SRGAP3: variants seen among roughly 807,000 people sequenced by gnomAD.
The protein encoded by SRGAP3 is SLIT-ROBO Rho GTPase-activating protein 3.
SRGAP3 carries 39 observed loss-of-function variants against 121.1 expected under a neutral mutation model. That is an observed-to-expected ratio of 0.32 (90% CI 0.25 to 0.42). The LOEUF is 0.42. SRGAP3 is among the 10% of genes least tolerant of loss of function. SRGAP3 has a pLI of 1.00. For missense variants in SRGAP3, 1,213 were observed against 1,470.6 expected (o/e 0.82, Z 2.86); for synonymous variants, 601 against 570.0 (o/e 1.05, Z -0.77).
chr3:8,996,636 A>G lies in SRGAP3; in HGVS notation c.2228-2113T>C, dbSNP rs1488505676. Among the ~76,000 whole-genome samples, 3 of 152,364 alleles carry G rather than the reference A, an allele frequency of 2.0e-5. No individual in the cohort carries two copies. In the East Asian group the frequency reaches 5.8e-4, roughly 29 times the overall value. On this transcript the variant is annotated intron_variant, in intron 18 of 21. Transcript: ENST00000383836. ...AACTCAGATCTTGACTCAGAGTCAC[A>G]TTCTCAGTAAAACAAACAGAGATCT...
At position 8,994,626 on chromosome 3, in the gene SRGAP3, A is replaced by C. The variant is rs1335557440; in HGVS notation, c.2228-103T>G. On this transcript the variant is annotated intron_variant, in intron 18 of 21. Coordinates refer to ENST00000383836, the MANE Select transcript of SRGAP3 (RefSeq NM_014850.4). ...GCTTCTCTGGGGAAGGATAGACTGCACAGCTGGTGAGAACATGGACAGAAC... is the reference window on the plus strand; with the variant it reads ...GCTTCTCTGGGGAAGGATAGACTGCCCAGCTGGTGAGAACATGGACAGAAC... 2.7e-6 allele frequency: 4 copies of C among 1,454,838 alleles called. No individual in the cohort carries two copies. In the East Asian group the frequency reaches 6.9e-5, roughly 25 times the overall value. 90.1% of individuals were successfully genotyped at this position (1,454,838 alleles called of 1,614,324 possible).
intron 1 of SRGAP3, among the ~76,000 whole-genome samples, chr3:9,223,078 T>A (rs959074977): frequency 6.6e-6 from 1 of 152,220 alleles, no homozygotes; most frequent in Non-Finnish European, 1.5e-5. Flanking sequence ...CAAAAAGATA[T>A]ACCGCAGGAT....
chr3:9,337,903 T>C lies in SRGAP3; in HGVS notation n.215-7307A>G, dbSNP rs529274748. Among the ~76,000 whole-genome samples the C allele has an allele frequency of 1.9e-3, 292 of 152,266 alleles. 1 individual carries two copies. The highest frequency in any genetic ancestry group is 3.0e-3 in the Non-Finnish European group (204 of 68,022). On this transcript the variant is annotated intron_variant and non_coding_transcript_variant, in intron 1 of 3. Coordinates refer to the SRGAP3 transcript ENST00000490889. Reference sequence around the variant, plus strand: ...GAATCATCCTGCAGGAAAGAAATGGTTTATAATTTTGTCAATTCTGGCATT... The same window carrying C: ...GAATCATCCTGCAGGAAAGAAATGGCTTATAATTTTGTCAATTCTGGCATT...
At chr3:9,021,336 TAGAGAGG>T (rs939645164) in intron 14 of SRGAP3, among the ~76,000 whole-genome samples, 4 of 152,232 alleles carry the variant, frequency 2.6e-5, no homozygotes, top group African/African-American at 7.2e-5. Flanking sequence ...AGAGGGCACC[TAGAGAGG>T]TTTGTGGGGG....
At chr3:9,222,165 G>A (rs1952835180) in intron 1 of SRGAP3, among the ~76,000 whole-genome samples, 2 of 152,230 alleles carry the variant, frequency 1.3e-5, no homozygotes, top group African/African-American at 4.8e-5. Context: ...GAGTGAGAGA[G>A]ACAGCCAACA....
chr3:9,349,564 C>T (rs891633338), intron 1 of SRGAP3: 4 of 177,316 alleles, frequency 2.3e-5, no homozygotes, highest in African/African-American at 9.6e-5. Context: ...TAAGCCACTG[C>T]CTGGGGGCTC....
intron 1 of SRGAP3, among the ~76,000 whole-genome samples, chr3:9,132,811 G>GA (rs35959358): frequency 6.7e-6 from 1 of 150,090 alleles, no homozygotes; most frequent in African/African-American, 2.4e-5. Flanking sequence ...TAGGCTTACT[G>GA]AAAAAAAGGA....
intron 1 of SRGAP3, among the ~76,000 whole-genome samples, chr3:9,344,230 G>A (rs967841935): frequency 5.9e-5 from 9 of 151,504 alleles, no homozygotes; most frequent in African/African-American, 1.5e-4. Context: ...CGAGGCGGGC[G>A]GATCACCTGA....
chr3:9,214,748 T>C (rs978945248), intron 1 of SRGAP3, among the ~76,000 whole-genome samples: 4 of 152,098 alleles, frequency 2.6e-5, no homozygotes, highest in Non-Finnish European at 5.9e-5. Flanking sequence ...GACCAGGAAT[T>C]TGGGGGTAAG....
intron 7 of SRGAP3, among the ~76,000 whole-genome samples, chr3:9,057,832 G>A (rs186755189): frequency 8.2e-4 from 125 of 152,328 alleles, no homozygotes; most frequent in Admixed American, 1.6e-3. Flanking sequence ...AAACTCGATC[G>A]TCTGGTGTAT....
chr3:9,356,179 G>C (rs1327362676), intron 1 of SRGAP3, among the ~76,000 whole-genome samples: 1 of 149,896 alleles, frequency 6.7e-6, no homozygotes, highest in Non-Finnish European at 1.5e-5. Context: ...ACCTGTTTAT[G>C]GGACTTTTTT....
intron 1 of SRGAP3, 32 bp from the exon 2 acceptor site, chr3:9,124,949 T>C: frequency 1.2e-6 from 2 of 1,613,054 alleles, no homozygotes; most frequent in Non-Finnish European, 1.7e-6. Flanking sequence ...AGCATGAGAC[T>C]GGTGGTGGGG....
intron 1 of SRGAP3, among the ~76,000 whole-genome samples, chr3:9,240,373 A>G (rs1208179624): frequency 6.6e-6 from 1 of 152,148 alleles, no homozygotes; most frequent in Non-Finnish European, 1.5e-5. Context: ...CAGCACCTTT[A>G]AAAAGTCAAC....
intron 1 of SRGAP3, among the ~76,000 whole-genome samples, chr3:9,155,565 T>G (rs1950389811): frequency 6.6e-6 from 1 of 152,168 alleles, no homozygotes; most frequent in South Asian, 2.1e-4. Flanking sequence ...GTCTCTTAAC[T>G]AATCTTTCAT....
At chr3:9,100,338 C>T (rs938499813) in intron 3 of SRGAP3, among the ~76,000 whole-genome samples, 4 of 152,196 alleles carry the variant, frequency 2.6e-5, no homozygotes, top group South Asian at 4.1e-4. Context: ...TCCAGGGGCA[C>T]TTCCACTGTG....
intron 9 of SRGAP3, chr3:9,049,370 C>T (rs952191189): frequency 1.5e-5 from 7 of 455,874 alleles, no homozygotes; most frequent in Admixed American, 7.0e-5. Context: ...AAGAGTCACT[C>T]GACTTGTATC....
intron 1 of SRGAP3, among the ~76,000 whole-genome samples, chr3:9,207,115 C>T (rs558328670): frequency 2.1e-4 from 32 of 152,248 alleles, no homozygotes; most frequent in East Asian, 1.2e-3. Flanking sequence ...AGGAAAGTCC[C>T]AGGCAAATCA....
At chr3:9,305,474 T>C (rs892003799) in intron 3 of SRGAP3, among the ~76,000 whole-genome samples, 2 of 151,350 alleles carry the variant, frequency 1.3e-5, no homozygotes, top group Admixed American at 6.6e-5. Flanking sequence ...GTTTGGTACA[T>C]AGGTATACAT....
At chr3:9,019,064 C>A (rs113479160) in intron 14 of SRGAP3, among the ~76,000 whole-genome samples, 1 of 152,298 alleles carries the variant, frequency 6.6e-6, no homozygotes, top group African/African-American at 2.4e-5. Flanking sequence ...TTAAAGGCTG[C>A]AAAGTACTCT....
Sources: allele counts gnomAD v4.1 joint callset (sites outside exome capture counted in the v4.1 genomes callset), GRCh38; gene constraint gnomAD v4.1.1; transcripts MANE v1.5; gene names NCBI Gene and HGNC (gene_info 2026-07-23, HGNC 2026-07-21).